The following DENND3 variants were observed in gnomAD, a reference collection of about 807,000 sequenced individuals.
The protein encoded by DENND3 is DENN domain containing 3.
In DENND3, 88 loss-of-function variants were observed where a neutral mutation model predicts 135.1. The observed-to-expected ratio is 0.65, with a 90% CI of 0.55 to 0.78. DENND3 has a LOEUF of 0.78. Ranked by LOEUF, DENND3 falls within the 30% of genes least tolerant of loss-of-function variation. DENND3 has a pLI of 0.00. For missense variants in DENND3, 1,392 were observed against 1,688.4 expected (o/e 0.82, Z 3.08); for synonymous variants, 693 against 712.3 (o/e 0.97, Z 0.43).
intron 17 of DENND3, among the ~76,000 whole-genome samples, chr8:141,181,982 C>T (rs372098824): frequency 2.8e-4 from 42 of 149,824 alleles, no homozygotes; most frequent in African/African-American, 9.4e-4. Context: ...TGTGTAGAGA[C>T]GGGGTTTCGC....
chr8:141,142,391 C>T (rs1027274068), intron 4 of DENND3: 2 of 456,958 alleles, frequency 4.4e-6, no homozygotes, highest in Non-Finnish European at 8.8e-6. Context: ...GCTGTTCTTG[C>T]TTCTTGCAAA....
At chr8:141,156,759 T>A (rs893026880) in intron 8 of DENND3, among the ~76,000 whole-genome samples, 1 of 151,848 alleles carries the variant, frequency 6.6e-6, no homozygotes, top group Non-Finnish European at 1.5e-5. Flanking sequence ...CTCCCGCCAC[T>A]GTATTGGCAC....
In DENND3 at chr8:141,166,253, C is replaced by T. The variant is rs746799293; in HGVS notation, c.1617C>T (p.Ser539=). ...PTVEKRASRK[S]SHLHVTHRRM... is the part of the protein sequence containing the mutation. ...TTGAGAAAAGAGCCTCCCGGAAGTCCTCGCACCTGCATGTCACCCACAGGC... is the reference window on the plus strand; with the variant it reads ...TTGAGAAAAGAGCCTCCCGGAAGTCTTCGCACCTGCATGTCACCCACAGGC... The change falls in exon 12 of 23, where the codon TCC becomes TCT. Residue 539 remains serine, a synonymous_variant. Coordinates refer to ENST00000519811, the MANE Select transcript of DENND3 (RefSeq NM_001352890.3). The surrounding 1 kb of genome is among the most constrained non-coding windows in gnomAD (Gnocchi z 4.3). 3 of 1,614,168 alleles carry T rather than the reference C, an allele frequency of 1.9e-6. No individual in the cohort carries two copies. Among genetic ancestry groups the T allele is most frequent in the Non-Finnish European group, 2.5e-6 (3 of 1,180,046 alleles).
rs1286849639 is a variant in DENND3, at chr8:141,174,188, C to A, written c.2276-1012C>A. The stretch of plus-strand genomic sequence containing the variant: ...TGGGCTGTGGGGTGGGTAGGTGGGG[C>A]CCAATCTTGGAAGAATGTGGCTGTG... On this transcript the variant is annotated intron_variant, in intron 13 of 22. Transcript: ENST00000519811. The surrounding 1 kb of genome is among the most constrained non-coding windows in gnomAD (Gnocchi z 4.6). Among the ~76,000 whole-genome samples the A allele has an allele frequency of 6.6e-6, 1 of 152,000 alleles. No individual in the cohort carries two copies. The highest frequency in any genetic ancestry group is 1.5e-5 in the Non-Finnish European group (1 of 68,000).
intron 1 of DENND3, among the ~76,000 whole-genome samples, chr8:141,132,427 G>A (rs1378299165): frequency 1.3e-5 from 2 of 151,868 alleles, no homozygotes; most frequent in Non-Finnish European, 2.9e-5. Context: ...GTGCCATCTC[G>A]GCTCACTGCA....
At chr8:141,152,515 C>T (rs183633101) in intron 7 of DENND3, among the ~76,000 whole-genome samples, 8 of 152,312 alleles carry the variant, frequency 5.3e-5, no homozygotes, top group Non-Finnish European at 8.8e-5. Context: ...TTCCACTTCA[C>T]GTCATGGCTT....
rs553374967 is a variant in DENND3, at chr8:141,135,447, C to T, written c.103-1062C>T. Among the ~76,000 whole-genome samples, 13 of 152,224 alleles carry T rather than the reference C, an allele frequency of 8.5e-5. No individual in the cohort carries two copies. In the South Asian group the frequency reaches 2.1e-3, roughly 24 times the overall value. On this transcript the variant is annotated intron_variant, in intron 1 of 22. Coordinates refer to ENST00000519811, the MANE Select transcript of DENND3 (RefSeq NM_001352890.3). ...GATCACAGGCGTGAGCCACTGCACC[C>T]GGCAATGCTGTCCTTTCTAGGGTCC...
rs896375885 is a variant in DENND3, at chr8:141,194,347, C to T, written c.*114C>T. 2 of 1,276,208 alleles carry T rather than the reference C, an allele frequency of 1.6e-6. No individual in the cohort carries two copies. The highest frequency in any genetic ancestry group is 2.2e-6 in the Non-Finnish European group (2 of 924,124). The allele number at this position is 1,276,208 out of a possible 1,614,324, so 79.1% of individuals were successfully genotyped here. ...GTGGCAGGGCAGAGCAGCCCAGGCT[C>T]AGCATGGAGCCCACTTACCGTGTGG... is the stretch of plus-strand genomic sequence containing the variant. On this transcript the variant is annotated 3_prime_UTR_variant, in exon 23 of 23. Transcript: ENST00000519811.
intron 3 of DENND3, among the ~76,000 whole-genome samples, chr8:141,140,270 C>T (rs1334094564): frequency 6.6e-6 from 1 of 152,178 alleles, no homozygotes; most frequent in Non-Finnish European, 1.5e-5. Flanking sequence ...TTTCCACCGA[C>T]ACTACGTGAC....
intron 14 of DENND3, 131 bp from the exon 15 acceptor site, chr8:141,176,460 C>T (rs1195718317): frequency 8.8e-6 from 10 of 1,140,648 alleles, no homozygotes; most frequent in Non-Finnish European, 1.0e-5. Flanking sequence ...CCCTGCCTTC[C>T]ACATGCCAGC....
intron 17 of DENND3, 145 bp from the exon 18 acceptor site, chr8:141,184,994 C>T (rs988741133): frequency 2.8e-6 from 3 of 1,055,696 alleles, no homozygotes; most frequent in Non-Finnish European, 4.0e-6. Flanking sequence ...GAAGCCTCTG[C>T]CTGGGCACGT....
chr8:141,173,654 G>C (rs1821945567), intron 13 of DENND3: 1 of 152,274 alleles, frequency 6.6e-6, no homozygotes, highest in South Asian at 2.1e-4. Flanking sequence ...TATGGAATCG[G>C]AACAGGGCGT....
At chr8:141,152,228 G>A (rs564051715) in intron 7 of DENND3, among the ~76,000 whole-genome samples, 1 of 152,232 alleles carries the variant, frequency 6.6e-6, no homozygotes, top group Non-Finnish European at 1.5e-5. Context: ...GCCAGGAGGT[G>A]GACTGGGTTT....
rs751885536 is a variant in DENND3 at position 141,190,439 on chromosome 8, A to AT, written c.3379+22_3379+23insT. On this transcript the variant is annotated intron_variant, in intron 20 of 22. Transcript: ENST00000519811. ...TGCTGTAAGTCCGGCCCCTGCCATC[A>AT]GAGCGGGCACCCTACCTCCCTGCTC... The AT allele has an allele frequency of 4.4e-6, 7 of 1,596,384 alleles. No homozygotes were observed. In the African/African-American group the frequency reaches 9.4e-5, roughly 21 times the overall value.
chr8:141,159,504 C>T lies in DENND3; in HGVS notation c.1197-1128C>T, dbSNP rs114283504. 6.3e-3 allele frequency among the ~76,000 whole-genome samples: 962 copies of T among 152,338 alleles called. 7 individuals carry two copies. The highest frequency in any genetic ancestry group is 0.021 in the African/African-American group (885 of 41,570). On this transcript the variant is annotated intron_variant, in intron 8 of 22. Coordinates refer to ENST00000519811, the MANE Select transcript of DENND3 (RefSeq NM_001352890.3). ...TGACTGCCGTGTCTCTCTAGCCCAT[C>T]GCTGTGATGTGCGTTTCTGCCTGAT...
chr8:141,168,394 A>C lies in DENND3; in HGVS notation c.2144A>C (p.Asp715Ala). ...LDKPHEASKLDDHVKKFKLPK... is the reference protein window; with the variant it reads ...LDKPHEASKLADHVKKFKLPK... ...AAGCCGCACGAGGCCTCGAAGCTGG[A>C]CGACCACGTGAAGAAGTTCAAGCTG... The change falls in exon 13 of 23, where the codon GAC (aspartate) becomes GCC (alanine). Residue 715 changes from aspartate to alanine, a missense_variant. Asp to Ala is a moderately radical substitution (Grantham distance 126). Coordinates refer to ENST00000519811, the MANE Select transcript of DENND3 (RefSeq NM_001352890.3). This position sits in a 1 kb window ranked among gnomAD's most constrained non-coding sequence, Gnocchi z 6.2. 1 of 1,613,888 alleles carries C rather than the reference A, an allele frequency of 6.2e-7. No individual in the cohort carries two copies. The highest frequency in any genetic ancestry group is 8.5e-7 in the Non-Finnish European group (1 of 1,180,012).
rs779031319 is a variant in DENND3, at chr8:141,166,373, T to C, written c.1737T>C (p.Cys579=). Residue 579 remains cysteine (C), a synonymous_variant, in exon 12 of 23, where the codon TGT becomes TGC. Transcript: ENST00000519811. This position sits in a 1 kb window ranked among gnomAD's most constrained non-coding sequence, Gnocchi z 4.3. ...TCCGGCTGACGGACACCGCAGGCTG[T>C]AGGGGCAGCAGCGCAGGTGAGGGCT... ...SSLRLTDTAG[C]RGSSAVLNVT... The C allele has an allele frequency of 1.1e-5, 17 of 1,612,098 alleles. No homozygotes were observed. The African/African-American group carries it at 1.3e-4, about 13-fold the overall frequency.
rs1319064644 is a variant in DENND3 at position 141,144,648 on chromosome 8, G to A, written c.735+389G>A. ...GAAAAACCTTAAAAATGAAATTCCC[G>A]GCCATGACAGGAAGGAAGGTCAGAC... On this transcript the variant is annotated intron_variant, in intron 5 of 22. Coordinates refer to ENST00000519811, the MANE Select transcript of DENND3 (RefSeq NM_001352890.3). This position sits in a 1 kb window ranked among gnomAD's most constrained non-coding sequence, Gnocchi z 4.4. Among the ~76,000 whole-genome samples the A allele has an allele frequency of 1.3e-5, 2 of 151,796 alleles. No homozygotes were observed. The highest frequency in any genetic ancestry group is 2.4e-5 in the African/African-American group (1 of 41,266).
chr8:141,184,272 C>T (rs1009732631), intron 17 of DENND3, among the ~76,000 whole-genome samples: 4 of 152,096 alleles, frequency 2.6e-5, no homozygotes, highest in East Asian at 1.9e-4. Context: ...ATATGTCATA[C>T]GTAATTTATG....
Sources: allele counts gnomAD v4.1 joint callset (sites outside exome capture counted in the v4.1 genomes callset), GRCh38; gene constraint gnomAD v4.1.1; non-coding constraint Gnocchi (gnomAD v3.1); transcripts MANE v1.5; gene names NCBI Gene and HGNC (gene_info 2026-07-23, HGNC 2026-07-21).